PRKG1: variants seen among roughly 807,000 people sequenced by gnomAD.
PRKG1 encodes protein kinase cGMP-dependent 1.
A neutral mutation model predicts 88.1 loss-of-function variants in PRKG1; 35 were observed. That is an observed-to-expected ratio of 0.40 (90% confidence interval 0.30 to 0.53). The LOEUF (loss-of-function observed/expected upper bound fraction) is 0.53. PRKG1 is among the 20% of genes least tolerant of loss of function. The pLI, the probability that PRKG1 is intolerant of heterozygous loss-of-function variation, is 0.59. For missense variants in PRKG1, 540 were observed against 839.8 expected, an observed-to-expected ratio of 0.64 and a Z score of 4.41; for synonymous variants, 303 against 292.5, an observed-to-expected ratio of 1.04 and a Z score of -0.37.
chr10:52,265,880 A>G (rs897445259), intron 10 of PRKG1, among the ~76,000 whole-genome samples: 2 of 152,110 alleles, frequency 1.3e-5, no homozygotes, highest in Non-Finnish European at 2.9e-5. Flanking sequence ...TGAAGTAACA[A>G]TGTACTGTAA....
chr10:51,623,470 G>C (rs1839260168), intron 3 of PRKG1, among the ~76,000 whole-genome samples: 1 of 152,188 alleles, frequency 6.6e-6, no homozygotes, highest in Non-Finnish European at 1.5e-5. Flanking sequence ...CCAAAGTGCT[G>C]GGATTACAGA....
intron 7 of PRKG1, among the ~76,000 whole-genome samples, chr10:52,074,080 G>A (rs537083412): frequency 6.6e-6 from 1 of 152,148 alleles, no homozygotes; most frequent in East Asian, 1.9e-4. Flanking sequence ...TAATGTTTTA[G>A]TGTGTACCTT....
At chr10:52,272,249 C>T in intron 11 of PRKG1, 143 bp from the exon 12 acceptor site, 5 of 534,818 alleles carry the variant, frequency 9.3e-6, no homozygotes, top group South Asian at 6.3e-5. Flanking sequence ...GCTTCTTTTC[C>T]CCATGTGTGG....
intron 5 of PRKG1, among the ~76,000 whole-genome samples, chr10:51,927,525 T>C (rs1842604951): frequency 6.6e-6 from 1 of 152,166 alleles, no homozygotes; most frequent in Non-Finnish European, 1.5e-5. Context: ...ACAGTAATAT[T>C]GCAAGTCAGG....
At chr10:51,545,379 A>C (rs1362348792) in intron 3 of PRKG1, among the ~76,000 whole-genome samples, 2 of 152,136 alleles carry the variant, frequency 1.3e-5, no homozygotes, top group African/African-American at 4.8e-5. Flanking sequence ...ATTTGTCCTC[A>C]TGGGAATTTG....
intron 3 of PRKG1, among the ~76,000 whole-genome samples, chr10:51,778,347 T>C (rs932077607): frequency 6.6e-6 from 1 of 152,152 alleles, no homozygotes; most frequent in Non-Finnish European, 1.5e-5. Context: ...TACTGACTAA[T>C]TGGCAAATTA....
At chr10:51,988,285 G>A (rs920742549) in intron 5 of PRKG1, among the ~76,000 whole-genome samples, 1 of 151,946 alleles carries the variant, frequency 6.6e-6, no homozygotes. Context: ...TTATCCATGT[G>A]GATATGTTTA....
At chr10:51,801,538 C>G (rs1449312055) in intron 3 of PRKG1, among the ~76,000 whole-genome samples, 1 of 152,048 alleles carries the variant, frequency 6.6e-6, no homozygotes, top group Non-Finnish European at 1.5e-5. Context: ...CAGTGTTTGC[C>G]ATATTGGTAT....
chr10:51,158,887 T>C lies in PRKG1; in HGVS notation c.478+5557T>C, dbSNP rs184884825. Among the ~76,000 whole-genome samples the C allele has an allele frequency of 2.6e-5, 4 of 152,230 alleles. No homozygotes were observed. The East Asian group carries it at 7.7e-4, about 29-fold the overall frequency. On this transcript the variant is annotated intron_variant, in intron 2 of 17. Coordinates refer to ENST00000373980, the MANE Select transcript of PRKG1 (RefSeq NM_006258.4). Reference sequence around the variant, plus strand: ...TGACTCTTTTAATGGAGCATTTGTATACTAACTCTAAGTGTTATGTGATTA... The same window carrying C: ...TGACTCTTTTAATGGAGCATTTGTACACTAACTCTAAGTGTTATGTGATTA...
intron 1 of PRKG1, among the ~76,000 whole-genome samples, chr10:51,047,330 T>C (rs189594903): frequency 6.8e-4 from 103 of 152,316 alleles, no homozygotes; most frequent in Non-Finnish European, 2.9e-5. Flanking sequence ...AGTTTCCTTG[T>C]CTGTACTTAT....
intron 2 of PRKG1, among the ~76,000 whole-genome samples, chr10:51,342,845 T>C (rs1842032304): frequency 6.6e-6 from 1 of 152,216 alleles, no homozygotes; most frequent in Admixed American, 6.5e-5. Flanking sequence ...AGGTGTTCAT[T>C]CTATGAATAT....
intron 5 of PRKG1, among the ~76,000 whole-genome samples, chr10:52,013,426 A>T (rs1360400218): frequency 6.6e-6 from 1 of 150,450 alleles, no homozygotes; most frequent in East Asian, 1.9e-4. Context: ...CTCAAAAAAA[A>T]AAAAAAGAAA....
intron 5 of PRKG1, among the ~76,000 whole-genome samples, chr10:51,941,358 T>G (rs1842902541): frequency 6.6e-6 from 1 of 152,060 alleles, no homozygotes; most frequent in Non-Finnish European, 1.5e-5. Flanking sequence ...TACAATATTC[T>G]GTCTCAGTCA....
At chr10:52,201,686 A>T (rs546197245) in intron 9 of PRKG1, among the ~76,000 whole-genome samples, 2 of 152,186 alleles carry the variant, frequency 1.3e-5, no homozygotes, top group Non-Finnish European at 2.9e-5. Flanking sequence ...ATTTATGAGC[A>T]TGTAATATTT....
chr10:52,077,153 C>T (rs1452165092), intron 7 of PRKG1, among the ~76,000 whole-genome samples: 3 of 151,814 alleles, frequency 2.0e-5, no homozygotes, highest in South Asian at 2.1e-4. Context: ...TTTGAAACAA[C>T]AGAAATGTGC....
chr10:51,156,335 CA>C lies in PRKG1; in HGVS notation c.478+3009del, dbSNP rs1159111554. 4.8e-5 allele frequency among the ~76,000 whole-genome samples: 3 copies of C among 62,340 alleles called. No individual in the cohort carries two copies. In the East Asian group the frequency reaches 1.1e-3, roughly 22 times the overall value. 40.9% of individuals were successfully genotyped at this position (62,340 alleles called of 152,430 possible). ...CACAAACACACACACCCGAATGTAA[CA>C]AAATAAGAAAGAAATACTCATGATA... On this transcript the variant is annotated intron_variant, in intron 2 of 17. Coordinates refer to ENST00000373980, the MANE Select transcript of PRKG1 (RefSeq NM_006258.4).
At chr10:51,861,956 C>T (rs1840885673) in intron 4 of PRKG1, among the ~76,000 whole-genome samples, 1 of 152,162 alleles carries the variant, frequency 6.6e-6, no homozygotes, top group African/African-American at 2.4e-5. Flanking sequence ...CTGAGCCAGG[C>T]ATGTGGCAAG....
At chr10:50,999,054 G>A (rs1027815230) in intron 1 of PRKG1, among the ~76,000 whole-genome samples, 4 of 152,060 alleles carry the variant, frequency 2.6e-5, no homozygotes, top group African/African-American at 9.7e-5. Context: ...GAATATGATA[G>A]AAACCCATAC....
intron 2 of PRKG1, among the ~76,000 whole-genome samples, chr10:51,396,702 G>C (rs1467351299): frequency 6.6e-6 from 1 of 152,242 alleles, no homozygotes; most frequent in Non-Finnish European, 1.5e-5. Context: ...CATTCACGTG[G>C]AGATGTTGTC....
Sources: gnomAD v4.1 joint callset for allele counts (sites outside exome capture counted in the v4.1 genomes callset) on GRCh38, gnomAD v4.1.1 for gene constraint, MANE v1.5 for transcripts, NCBI Gene and HGNC (gene_info 2026-07-23, HGNC 2026-07-21) for gene names.